SDC3: variants seen among roughly 807,000 people sequenced by gnomAD.
SDC3 encodes syndecan-3.
In SDC3, 13 loss-of-function variants were observed where a neutral mutation model predicts 24.4. The ratio of observed to expected loss-of-function variants is 0.53; its 90% CI spans 0.35 to 0.85. The LOEUF (loss-of-function observed/expected upper bound fraction) is 0.85, where lower values mean the gene tolerates loss of function less well. SDC3 is among the 40% of genes least tolerant of loss of function. The pLI is 0.01. For missense variants in SDC3, 571 were observed against 584.5 expected (o/e 0.98, Z 0.24); for synonymous variants, 295 against 260.9 (o/e 1.13, Z -1.26).
chr1:30,886,999 C>A (rs1639838344), intron 1 of SDC3, among the ~76,000 whole-genome samples: 1 of 152,196 alleles, frequency 6.6e-6, no homozygotes, highest in Non-Finnish European at 1.5e-5. Context: ...GCAGAGCACA[C>A]CTGCTCCTAG....
intron 1 of SDC3, among the ~76,000 whole-genome samples, chr1:30,889,433 A>C (rs550045071): frequency 4.7e-4 from 71 of 152,166 alleles, no homozygotes; most frequent in Admixed American, 2.8e-3. Flanking sequence ...CTTTTCCTCC[A>C]TTCCCGGGGG....
chr1:30,877,615 G>T, intron 2 of SDC3: 1 of 244,210 alleles, frequency 4.1e-6, no homozygotes, highest in Non-Finnish European at 7.9e-6. Context: ...CAGAGGCAGA[G>T]GCGGAGGGTA....
chr1:30,902,015 A>G (rs958259408), intron 1 of SDC3, among the ~76,000 whole-genome samples: 10 of 152,326 alleles, frequency 6.6e-5, no homozygotes, highest in Admixed American at 5.2e-4. Flanking sequence ...ACCCTGAATC[A>G]GCTGGCTCCA....
intron 1 of SDC3, among the ~76,000 whole-genome samples, chr1:30,890,491 A>G (rs1170255673): frequency 6.6e-6 from 1 of 152,194 alleles, no homozygotes; most frequent in Non-Finnish European, 1.5e-5. Context: ...GCCTGCAGGG[A>G]TTGTGGAGAA....
chr1:30,875,108 G>C (rs1237311611), intron 3 of SDC3, among the ~76,000 whole-genome samples: 4 of 152,310 alleles, frequency 2.6e-5, no homozygotes, highest in African/African-American at 9.6e-5. Context: ...AGGTGTCCCG[G>C]AAACCAGCTC....
rs370620930 is a variant in SDC3 at position 30,873,241 on chromosome 1, C to T, written c.1299G>A (p.Lys433=). 1 of 1,613,850 alleles carries T rather than the reference C, an allele frequency of 6.2e-7. No individual in the cohort carries two copies. The highest frequency in any genetic ancestry group is 1.7e-5 in the Admixed American group (1 of 60,026). ...EPKQASVTYQ[K]PDKQEEFYA is the part of the protein sequence containing the mutation. ...CATAGAACTCCTCCTGCTTGTCAGG[C>T]TTCTGGTATGTGACGCTCGCCTGCT... The change falls in exon 5 of 5, where the codon AAG becomes AAA. Residue 433 remains lysine, a synonymous_variant. Transcript: ENST00000339394.
At chr1:30,900,112 C>CTCCA (rs1638383767) in intron 1 of SDC3, among the ~76,000 whole-genome samples, 1 of 152,316 alleles carries the variant, frequency 6.6e-6, no homozygotes, top group South Asian at 2.1e-4. Flanking sequence ...AGCACCCAGG[C>CTCCA]TCCAGGCTCA....
intron 1 of SDC3, among the ~76,000 whole-genome samples, chr1:30,901,221 A>T (rs1286036000): frequency 6.6e-6 from 1 of 152,148 alleles, no homozygotes; most frequent in African/African-American, 2.4e-5. Context: ...AGCCAGCCCC[A>T]ATCCATTGGC....
intron 1 of SDC3, among the ~76,000 whole-genome samples, chr1:30,882,098 C>G (rs945603975): frequency 6.6e-6 from 1 of 152,194 alleles, no homozygotes; most frequent in African/African-American, 2.4e-5. Flanking sequence ...CACCCTGCCT[C>G]CACATGTGCG....
intron 1 of SDC3, among the ~76,000 whole-genome samples, chr1:30,880,922 C>T (rs1226171953): frequency 2.0e-5 from 3 of 151,802 alleles, no homozygotes; most frequent in South Asian, 2.1e-4. Flanking sequence ...AGCCCCAGGA[C>T]GCTGCCAGCT....
At chr1:30,877,588 A>C (rs1292188198) in intron 2 of SDC3, 1 of 327,634 alleles carries the variant, frequency 3.1e-6, no homozygotes. Flanking sequence ...CAGGGGTGGT[A>C]CACTAAGGGC....
At chr1:30,886,214 T>C (rs182783824) in intron 1 of SDC3, among the ~76,000 whole-genome samples, 115 of 151,994 alleles carry the variant, frequency 7.6e-4, no homozygotes, top group African/African-American at 2.4e-3. Context: ...CCCCACCATC[T>C]CTGCCTGGCC....
chr1:30,874,156 C>A (rs1569987585), intron 4 of SDC3, 141 bp downstream of exon 4: 2 of 674,704 alleles, frequency 3.0e-6, no homozygotes, highest in East Asian at 5.5e-5. Flanking sequence ...GGGTTGAGTT[C>A]TCAAGTTTCC....
At chr1:30,885,095 C>G (rs1639808932) in intron 1 of SDC3, among the ~76,000 whole-genome samples, 1 of 152,188 alleles carries the variant, frequency 6.6e-6, no homozygotes, top group South Asian at 2.1e-4. Flanking sequence ...GCAGATGGCT[C>G]TCTCAATTCC....
intron 1 of SDC3, among the ~76,000 whole-genome samples, chr1:30,895,918 G>A (rs1311912761): frequency 6.6e-6 from 1 of 152,070 alleles, no homozygotes; most frequent in Non-Finnish European, 1.5e-5. Flanking sequence ...TGGAGAGGAG[G>A]GAGGTTGGAG....
chr1:30,892,834 T>C (rs1639926206), intron 1 of SDC3, among the ~76,000 whole-genome samples: 1 of 152,180 alleles, frequency 6.6e-6, no homozygotes, highest in Non-Finnish European at 1.5e-5. Context: ...TATAGTGACC[T>C]GCCCAAGTTC....
In SDC3 at chr1:30,904,778, C is replaced by T. The variant is rs531151284; in HGVS notation, c.138+3671G>A. ...CACTTTCATTGCTTAGCTCAAAACC[C>T]TCCTCCTCCAGGAAGCCTTCCCTGA... is the stretch of plus-strand genomic sequence containing the variant. On this transcript the variant is annotated intron_variant, in intron 1 of 4. Transcript: ENST00000339394. Among the ~76,000 whole-genome samples the T allele has an allele frequency of 2.0e-4, 31 of 152,270 alleles. 1 individual carries two copies. The South Asian group carries it at 3.1e-3, about 15-fold the overall frequency.
At position 30,876,888 on chromosome 1, in the gene SDC3, T is replaced by C; in HGVS notation, c.534A>G (p.Thr178=). The C allele has an allele frequency of 6.2e-7, 1 of 1,612,778 alleles. No homozygotes were observed. Among genetic ancestry groups the C allele is most frequent in the Non-Finnish European group, 8.5e-7 (1 of 1,179,108 alleles). Reference sequence around the variant, plus strand: ...TGGCGGTGGCCACTGTGGCAGGCACTGTGGCCACAGTCGGGTCCCCTGTGC... The same window carrying C: ...TGGCGGTGGCCACTGTGGCAGGCACCGTGGCCACAGTCGGGTCCCCTGTGC... The part of the protein sequence containing the change: ...ATSTGDPTVA[T]VPATVATATP... The change falls in exon 3 of 5, where the codon ACA becomes ACG. Residue 178 remains threonine (T), a synonymous_variant. Transcript: ENST00000339394.
chr1:30,885,756 C>T (rs1639818195), intron 1 of SDC3, among the ~76,000 whole-genome samples: 2 of 152,344 alleles, frequency 1.3e-5, no homozygotes, highest in South Asian at 2.1e-4. Flanking sequence ...GCCTGTGGTG[C>T]CCAGACACCC....
Sources: gnomAD v4.1 joint callset for allele counts (sites outside exome capture counted in the v4.1 genomes callset) on GRCh38, gnomAD v4.1.1 for gene constraint, MANE v1.5 for transcripts, NCBI Gene and HGNC (gene_info 2026-07-23, HGNC 2026-07-21) for gene names.